Variants in PARD6G observed in about 807,000 individuals in gnomAD.
The protein encoded by PARD6G is par-6 family cell polarity regulator gamma.
PARD6G carries 7 observed loss-of-function variants against 10.7 expected under a neutral mutation model. That is an observed-to-expected ratio of 0.66 (90% CI 0.37 to 1.23). The LOEUF (loss-of-function observed/expected upper bound fraction) is 1.23, where lower values mean the gene tolerates loss of function less well. Ranked by LOEUF, PARD6G falls within the 50% of genes most tolerant of loss-of-function variation. The pLI is 0.02. For missense variants in PARD6G, 548 were observed against 571.8 expected (o/e 0.96, Z 0.42); for synonymous variants, 287 against 269.4 (o/e 1.07, Z -0.64).
chr18:80,229,129 G>T (rs1489797368), intron 1 of PARD6G, among the ~76,000 whole-genome samples: 1 of 152,042 alleles, frequency 6.6e-6, no homozygotes, highest in African/African-American at 2.4e-5. Flanking sequence ...TAGTAGAGAT[G>T]GGGTTTCACC....
chr18:80,204,537 A>G (rs1967037801), intron 1 of PARD6G, among the ~76,000 whole-genome samples: 1 of 152,014 alleles, frequency 6.6e-6, no homozygotes. Context: ...CTCCCTTTCA[A>G]AAAGCACTTC....
intron 1 of PARD6G, among the ~76,000 whole-genome samples, chr18:80,224,220 C>T (rs117459189): frequency 1.3e-3 from 205 of 152,300 alleles, no homozygotes; most frequent in Admixed American, 0.01. Flanking sequence ...ACCATTAACA[C>T]GATTATGTCT....
At position 80,241,415 on chromosome 18, in the gene PARD6G, G is replaced by A. The variant is rs1050488892; in HGVS notation, c.72+5862C>T. Among the ~76,000 whole-genome samples, 8 of 152,140 alleles carry A rather than the reference G, an allele frequency of 5.3e-5. No homozygotes were observed. The East Asian group carries it at 1.2e-3, about 22-fold the overall frequency. ...TAGTGGGTGTGATAAACGAACCCAC[G>A]TTACAGTATTGAGATGGGCATTAGT... On this transcript the variant is annotated intron_variant, in intron 1 of 2. Transcript: ENST00000353265.
chr18:80,215,672 G>A (rs557876616), intron 1 of PARD6G, among the ~76,000 whole-genome samples: 122 of 152,090 alleles, frequency 8.0e-4, no homozygotes, highest in African/African-American at 2.7e-3. Flanking sequence ...AAAACTGTAC[G>A]TAAAAATATT....
chr18:80,179,657 T>C (rs2052837726), intron 2 of PARD6G, among the ~76,000 whole-genome samples: 1 of 152,214 alleles, frequency 6.6e-6, no homozygotes, highest in Admixed American at 6.5e-5. Flanking sequence ...CGGTGTGGTC[T>C]CACTGCTGCC....
At chr18:80,241,802 C>T (rs1967493631) in intron 1 of PARD6G, among the ~76,000 whole-genome samples, 1 of 152,170 alleles carries the variant, frequency 6.6e-6, no homozygotes, top group Non-Finnish European at 1.5e-5. Context: ...CACATCTAAC[C>T]ACCTGGAAGG....
intron 2 of PARD6G, among the ~76,000 whole-genome samples, chr18:80,202,233 C>T (rs1967014557): frequency 6.6e-6 from 1 of 152,188 alleles, no homozygotes; most frequent in African/African-American, 2.4e-5. Context: ...GGCACCCCTT[C>T]CCTTTCAGCC....
chr18:80,192,582 A>G lies in PARD6G; in HGVS notation c.295+10128T>C, dbSNP rs997005903. On this transcript the variant is annotated intron_variant, in intron 2 of 2. Transcript: ENST00000353265. This position sits in a 1 kb window ranked among gnomAD's most constrained non-coding sequence, Gnocchi z 4.9. The stretch of plus-strand genomic sequence containing the variant: ...TGCCACGGCGGGAGCCTGAAGCTCC[A>G]CAATTGCCAAGGCAGCCCCAGGGAC... Among the ~76,000 whole-genome samples the G allele has an allele frequency of 2.0e-5, 3 of 152,106 alleles. No individual in the cohort carries two copies. Among genetic ancestry groups the G allele is most frequent in the Non-Finnish European group, 4.4e-5 (3 of 68,010 alleles).
chr18:80,227,398 C>T (rs1050391263), intron 1 of PARD6G, among the ~76,000 whole-genome samples: 2 of 152,330 alleles, frequency 1.3e-5, no homozygotes, highest in African/African-American at 2.4e-5. Flanking sequence ...CCCACCAGTC[C>T]GGCCCTGTGG....
At chr18:80,202,953 TGG>T in intron 1 of PARD6G, 21 bp from the exon 2 acceptor site, 1 of 216,866 alleles carries the variant, frequency 4.6e-6, no homozygotes, top group Non-Finnish European at 9.0e-6. Context: ...AGAGACGGGG[TGG>T]GGGGAGGGGC....
At chr18:80,240,089 G>A (rs959372192) in intron 1 of PARD6G, among the ~76,000 whole-genome samples, 1 of 152,180 alleles carries the variant, frequency 6.6e-6, no homozygotes, top group Admixed American at 6.5e-5. Context: ...ATTACCATGA[G>A]GATGGCACCA....
chr18:80,212,468 T>C (rs945605459), intron 1 of PARD6G, among the ~76,000 whole-genome samples: 1 of 152,268 alleles, frequency 6.6e-6, no homozygotes, highest in Non-Finnish European at 1.5e-5. Context: ...TGTTTGCTTT[T>C]GAACTGCATG....
chr18:80,203,000 G>A, intron 1 of PARD6G, 68 bp from the exon 2 acceptor site: 1 of 1,020,218 alleles, frequency 9.8e-7, no homozygotes, highest in Non-Finnish European at 1.5e-6. Context: ...CAGAAATAAG[G>A]TGTGGTTAGT....
intron 1 of PARD6G, among the ~76,000 whole-genome samples, chr18:80,237,759 C>T (rs1456209684): frequency 6.6e-6 from 1 of 152,206 alleles, no homozygotes; most frequent in Non-Finnish European, 1.5e-5. Context: ...TTCATCATCA[C>T]TGGCCATCAG....
chr18:80,192,628 A>C lies in PARD6G; in HGVS notation c.295+10082T>G, dbSNP rs1966909068. Reference sequence around the variant, plus strand: ...GGGACCTGTGTGGGGCTGTCATGACACATTGAAGGGTACACTGTACTTTCT... The same window carrying C: ...GGGACCTGTGTGGGGCTGTCATGACCCATTGAAGGGTACACTGTACTTTCT... On this transcript the variant is annotated intron_variant, in intron 2 of 2. Transcript: ENST00000353265. The surrounding 1 kb of genome is among the most constrained non-coding windows in gnomAD (Gnocchi z 4.9). 6.6e-6 allele frequency among the ~76,000 whole-genome samples: 1 copy of C among 152,166 alleles called. No individual in the cohort carries two copies.
intron 1 of PARD6G, among the ~76,000 whole-genome samples, chr18:80,222,910 A>C (rs529063901): frequency 1.3e-5 from 2 of 152,160 alleles, no homozygotes; most frequent in Non-Finnish European, 2.9e-5. Flanking sequence ...TCCTGGACTC[A>C]AGCAATCCAC....
At chr18:80,230,983 A>C (rs1967351853) in intron 1 of PARD6G, among the ~76,000 whole-genome samples, 1 of 152,356 alleles carries the variant, frequency 6.6e-6, no homozygotes, top group Middle Eastern at 3.4e-3. Flanking sequence ...CTGAGGCTGA[A>C]TTCAAAAAGG....
In PARD6G at chr18:80,175,947, C is replaced by T. The variant is rs1040411876; in HGVS notation, c.296-15341G>A. ...CAGTCACATTGGAGGTGAGTGCCTGCTGGGATGTCATGCTGGTAAGAGTGT... is the reference window on the plus strand; with the variant it reads ...CAGTCACATTGGAGGTGAGTGCCTGTTGGGATGTCATGCTGGTAAGAGTGT... On this transcript the variant is annotated intron_variant, in intron 2 of 2. Coordinates refer to ENST00000353265, the MANE Select transcript of PARD6G (RefSeq NM_032510.4). This position sits in a 1 kb window ranked among gnomAD's most constrained non-coding sequence, Gnocchi z 6.7. The T allele has an allele frequency of 1.8e-5, 3 of 167,236 alleles. No individual in the cohort carries two copies. Among genetic ancestry groups the T allele is most frequent in the African/African-American group, 7.2e-5 (3 of 41,454 alleles). 10.4% of individuals were successfully genotyped at this position (167,236 alleles called of 1,614,324 possible).
chr18:80,236,608 G>A (rs369385549), intron 1 of PARD6G, among the ~76,000 whole-genome samples: 7 of 152,254 alleles, frequency 4.6e-5, no homozygotes, highest in East Asian at 3.9e-4. Flanking sequence ...AAACCCCATC[G>A]TCTCAGCCCA....
Sources: gnomAD v4.1 joint callset for allele counts (sites outside exome capture counted in the v4.1 genomes callset) on GRCh38, gnomAD v4.1.1 for gene constraint, Gnocchi (gnomAD v3.1) non-coding constraint, MANE v1.5 for transcripts, NCBI Gene and HGNC (gene_info 2026-07-23, HGNC 2026-07-21) for gene names.